The following RTTN variants were observed in gnomAD, a reference collection of about 807,000 sequenced individuals.
RTTN encodes rotatin.
Under a neutral mutation model 269.2 loss-of-function variants are expected in RTTN, and 182 were observed. The observed-to-expected ratio is 0.68, with a 90% CI of 0.60 to 0.76. RTTN has a LOEUF of 0.76. Among genes scored for constraint, RTTN ranks in the 30% least tolerant of loss-of-function variants. The probability of loss-of-function intolerance (pLI) is 0.00; values close to 1 mark genes in which losing one functional copy is unlikely to be tolerated. For missense variants in RTTN, 2,545 were observed against 2,608.6 expected (o/e 0.98, Z 0.53); for synonymous variants, 1,006 against 963.5 (o/e 1.04, Z -0.82).
chr18:70,013,613 AAAT>A (rs2056459447), intron 46 of RTTN, among the ~76,000 whole-genome samples: 1 of 152,260 alleles, frequency 6.6e-6, no homozygotes, highest in Non-Finnish European at 1.5e-5. Flanking sequence ...AGTAAAATGT[AAAT>A]AATGAGACAG....
At chr18:70,040,119 C>T (rs2057296795) in intron 40 of RTTN, among the ~76,000 whole-genome samples, 1 of 152,088 alleles carries the variant, frequency 6.6e-6, no homozygotes, top group Non-Finnish European at 1.5e-5. Context: ...CCCTACTTGT[C>T]AATAACAACA....
At chr18:70,007,271 G>A (rs1460016894) in intron 46 of RTTN, 1 of 152,824 alleles carries the variant, frequency 6.5e-6, no homozygotes, top group Non-Finnish European at 1.5e-5. Flanking sequence ...CCACAGACCA[G>A]GAGATTCCCT....
chr18:70,126,071 A>C (rs1417223112), intron 25 of RTTN, among the ~76,000 whole-genome samples: 1 of 152,098 alleles, frequency 6.6e-6, no homozygotes, highest in Non-Finnish European at 1.5e-5. Flanking sequence ...ACATATACAC[A>C]GTCTATACTC....
In RTTN at chr18:70,135,175, A is replaced by G; in HGVS notation, c.2885+9T>C. The G allele has an allele frequency of 7.0e-7, 1 of 1,433,654 alleles. No homozygotes were observed. The highest frequency in any genetic ancestry group is 2.5e-5 in the East Asian group (1 of 40,156). 88.8% of individuals were successfully genotyped at this position (1,433,654 alleles called of 1,614,324 possible). The stretch of plus-strand genomic sequence containing the variant: ...AAGAGTAAAAAACTTATAAATTCTT[A>G]TATCTCACCACATATCCATTCTCGA... On this transcript the variant is annotated intron_variant, in intron 22 of 48. Coordinates refer to ENST00000640769, the MANE Select transcript of RTTN (RefSeq NM_173630.4).
intron 46 of RTTN, among the ~76,000 whole-genome samples, chr18:70,010,135 A>T (rs981451563): frequency 6.6e-6 from 1 of 152,194 alleles, no homozygotes; most frequent in African/African-American, 2.4e-5. Context: ...CACAATAATC[A>T]TGGGAGACTT....
intron 28 of RTTN, among the ~76,000 whole-genome samples, chr18:70,101,373 T>C (rs767859618): frequency 2.2e-4 from 34 of 152,226 alleles, no homozygotes; most frequent in Non-Finnish European, 4.4e-4. Context: ...TAGAGGAGTT[T>C]ATAGTATTGT....
In RTTN at chr18:70,054,669, C is replaced by T. The variant is rs1487189867; in HGVS notation, c.5032-385G>A. ...GCAATACGGTGAGATCCTGTTTCCA[C>T]AAAAAATATAAAAATTAGCCGGGCC... On this transcript the variant is annotated intron_variant, in intron 37 of 48. Transcript: ENST00000640769. Among the ~76,000 whole-genome samples the T allele has an allele frequency of 5.9e-5, 9 of 152,048 alleles. No homozygotes were observed. The East Asian group carries it at 1.4e-3, about 23-fold the overall frequency.
At chr18:70,132,848 A>G (rs1206974806) in intron 23 of RTTN, among the ~76,000 whole-genome samples, 1 of 152,162 alleles carries the variant, frequency 6.6e-6, no homozygotes, top group Non-Finnish European at 1.5e-5. Flanking sequence ...TTAAATGCCA[A>G]CATTACTGTG....
chr18:70,055,827 C>T (rs568412604), intron 37 of RTTN, among the ~76,000 whole-genome samples: 8 of 152,104 alleles, frequency 5.3e-5, no homozygotes, highest in African/African-American at 1.7e-4. Context: ...CTATGTATGG[C>T]CCTCTTAAAA....
intron 10 of RTTN, among the ~76,000 whole-genome samples, chr18:70,184,680 A>T (rs1178818054): frequency 6.8e-6 from 1 of 146,622 alleles, no homozygotes; most frequent in Non-Finnish European, 1.5e-5. Context: ...AATTCAACTC[A>T]ATTCCATTCA....
At chr18:70,047,884 CTG>C in intron 40 of RTTN, 85 bp downstream of exon 40, 1 of 1,006,498 alleles carries the variant, frequency 9.9e-7, no homozygotes, top group Non-Finnish European at 1.5e-6. Context: ...ATTTAAATGA[CTG>C]AGACAGTTTT....
At chr18:70,119,561 A>G in intron 26 of RTTN, among the ~76,000 whole-genome samples, 1 of 152,144 alleles carries the variant, frequency 6.6e-6, no homozygotes, top group African/African-American at 2.4e-5. Flanking sequence ...GCGGAGAACC[A>G]GCAAGGACAT....
chr18:70,178,121 G>A (rs1308788635), intron 10 of RTTN, among the ~76,000 whole-genome samples: 2 of 152,076 alleles, frequency 1.3e-5, no homozygotes, highest in Admixed American at 6.5e-5. Context: ...GATGGCTCAC[G>A]CCTGTAATCC....
intron 44 of RTTN, among the ~76,000 whole-genome samples, chr18:70,022,640 G>T (rs763982145): frequency 4.6e-5 from 7 of 151,972 alleles, no homozygotes; most frequent in Non-Finnish European, 8.8e-5. Context: ...TTTCTGTTCT[G>T]GCACTGCACT....
At chr18:70,205,515 G>T in intron 1 of RTTN, 113 bp downstream of exon 1, 2 of 1,450,110 alleles carry the variant, frequency 1.4e-6, no homozygotes, top group Non-Finnish European at 9.7e-7. Flanking sequence ...CAAAGCGGGG[G>T]TGAAAGAGGG....
At chr18:70,126,079 C>T (rs1261987601) in intron 25 of RTTN, among the ~76,000 whole-genome samples, 1 of 151,960 alleles carries the variant, frequency 6.6e-6, no homozygotes, top group African/African-American at 2.4e-5. Flanking sequence ...ACAGTCTATA[C>T]TCTCCACTTA....
At chr18:70,019,195 A>G (rs1568247550) in intron 45 of RTTN, 2 of 152,340 alleles carry the variant, frequency 1.3e-5, no homozygotes, top group Non-Finnish European at 2.9e-5. Context: ...AGAGTTGAAC[A>G]TATCTTAGAG....
chr18:70,093,262 A>T (rs1278035891), intron 28 of RTTN, among the ~76,000 whole-genome samples: 4 of 11,118 alleles, frequency 3.6e-4, no homozygotes, highest in Admixed American at 3.7e-3. Flanking sequence ...AAGTCTGTAA[A>T]AAAAAAAAAA....
chr18:70,034,539 A>G (rs1324524379), intron 40 of RTTN, among the ~76,000 whole-genome samples: 1 of 152,256 alleles, frequency 6.6e-6, no homozygotes, highest in Non-Finnish European at 1.5e-5. Flanking sequence ...TTGAAGTAAC[A>G]TATATTAAAA....
Sources: allele counts gnomAD v4.1 joint callset (sites outside exome capture counted in the v4.1 genomes callset), GRCh38; gene constraint gnomAD v4.1.1; transcripts MANE v1.5; gene names NCBI Gene and HGNC (gene_info 2026-07-23, HGNC 2026-07-21).